HDAC3: variants seen among roughly 807,000 people sequenced by gnomAD.
HDAC3 encodes histone deacetylase 3.
In HDAC3, 21 loss-of-function variants were observed where a neutral mutation model predicts 62.3. The observed-to-expected ratio is 0.34, with a 90% CI of 0.24 to 0.49. The LOEUF (loss-of-function observed/expected upper bound fraction) is 0.49, where lower values mean the gene tolerates loss of function less well. HDAC3 is among the 20% of genes least tolerant of loss of function. The pLI is 0.99. For synonymous variants in HDAC3, 198 were observed against 206.5 expected, an observed-to-expected ratio of 0.96 and a Z score of 0.35; for missense variants, 270 against 556.9, an observed-to-expected ratio of 0.48 and a Z score of 5.19.
intron 2 of HDAC3, 43 bp downstream of exon 2, chr5:141,636,505 C>T: frequency 3.2e-6 from 5 of 1,577,186 alleles, no homozygotes; most frequent in Non-Finnish European, 4.4e-6. Flanking sequence ...ACGGCCACAG[C>T]TCGCCCCACC....
chr5:141,621,200 G>C lies in HDAC3; in HGVS notation c.*268C>G. The C allele has an allele frequency of 2.4e-6, 1 of 425,068 alleles. No individual in the cohort carries two copies. The highest frequency in any genetic ancestry group is 4.2e-6 in the Non-Finnish European group (1 of 235,700). 26.3% of individuals were successfully genotyped at this position (425,068 alleles called of 1,614,324 possible). ...AGAAATAAGGGGCAAGGGGGGCTAG[G>C]GACTGGCCTCCAGGGCCCACTGCCA... is the stretch of plus-strand genomic sequence containing the variant. On this transcript the variant is annotated 3_prime_UTR_variant, in exon 15 of 15. Coordinates refer to ENST00000305264, the MANE Select transcript of HDAC3 (RefSeq NM_003883.4).
Position 141,625,388 on chromosome 5 carries a change from G to A in HDAC3, c.1060-23C>T. Reference sequence around the variant, plus strand: ...ATACTGGTTGGAAATGAGGAATACAGAGTGAGCAGTTTCCAGAGATTCCCA... The same window carrying A: ...ATACTGGTTGGAAATGAGGAATACAAAGTGAGCAGTTTCCAGAGATTCCCA... On this transcript the variant is annotated intron_variant, in intron 13 of 14. Coordinates refer to ENST00000305264, the MANE Select transcript of HDAC3 (RefSeq NM_003883.4). This position sits in a 1 kb window ranked among gnomAD's most constrained non-coding sequence, Gnocchi z 4.0. The A allele has an allele frequency of 3.1e-6, 5 of 1,612,914 alleles. No individual in the cohort carries two copies. The highest frequency in any genetic ancestry group is 4.2e-6 in the Non-Finnish European group (5 of 1,179,408).
chr5:141,627,774 T>C, intron 10 of HDAC3, 119 bp downstream of exon 10: 1 of 832,204 alleles, frequency 1.2e-6, no homozygotes, highest in Non-Finnish European at 2.1e-6. Flanking sequence ...CAAGTACAAT[T>C]TGTAGCTATT....
intron 2 of HDAC3, 116 bp downstream of exon 2, chr5:141,636,432 C>G (rs1378828198): frequency 2.2e-6 from 2 of 892,394 alleles, no homozygotes; most frequent in African/African-American, 3.3e-5. Context: ...GACTTCTATC[C>G]AGCTCCCCGA....
rs749421918 is a variant in HDAC3 at position 141,629,210 on chromosome 5, G to A, written c.573C>T (p.Ser191=). The change falls in exon 7 of 15, where the codon TCC becomes TCT. Residue 191 remains serine, a synonymous_variant. Coordinates refer to ENST00000305264, the MANE Select transcript of HDAC3 (RefSeq NM_003883.4). This position sits in a 1 kb window ranked among gnomAD's most constrained non-coding sequence, Gnocchi z 5.3. ...FYLTDRVMTV[S]FHKYGNYFFP... ...AGAAGTAATTTCCGTATTTGTGGAA[G>A]GACACCGTCATGACCCGGTCAGTGA... is the stretch of plus-strand genomic sequence containing the variant. The A allele has an allele frequency of 1.2e-5, 19 of 1,614,156 alleles. No homozygotes were observed. The highest frequency in any genetic ancestry group is 1.6e-5 in the Non-Finnish European group (19 of 1,180,016).
chr5:141,634,127 C>G (rs966864828), intron 3 of HDAC3, among the ~76,000 whole-genome samples: 2 of 152,176 alleles, frequency 1.3e-5, no homozygotes, highest in African/African-American at 2.4e-5. Context: ...TGATATCAAA[C>G]CACTCCTTCG....
intron 3 of HDAC3, among the ~76,000 whole-genome samples, chr5:141,634,339 C>G (rs2099905666): frequency 6.6e-6 from 1 of 152,168 alleles, no homozygotes; most frequent in Admixed American, 6.5e-5. Context: ...TTCTGTTCCT[C>G]AAATGAGTCA....
Position 141,625,633 on chromosome 5 carries a change from T to C in HDAC3, c.1059+52A>G. On this transcript the variant is annotated intron_variant, in intron 13 of 14. Coordinates refer to ENST00000305264, the MANE Select transcript of HDAC3 (RefSeq NM_003883.4). This position sits in a 1 kb window ranked among gnomAD's most constrained non-coding sequence, Gnocchi z 4.0. ...TACTTCCCACATCTTTGACCTCTCC[T>C]GGGCTCCACCTTTCAGGAGAAGTTT... 2.6e-6 allele frequency: 4 copies of C among 1,555,932 alleles called. No homozygotes were observed. Among genetic ancestry groups the C allele is most frequent in the Non-Finnish European group, 3.5e-6 (4 of 1,126,920 alleles).
In HDAC3 at chr5:141,625,183, T is replaced by C; in HGVS notation, c.1217+25A>G. On this transcript the variant is annotated intron_variant, in intron 14 of 14. Coordinates refer to ENST00000305264, the MANE Select transcript of HDAC3 (RefSeq NM_003883.4). This position sits in a 1 kb window ranked among gnomAD's most constrained non-coding sequence, Gnocchi z 4.0. ...ACCTCCCCAGCAAGCCTATTGAAAG[T>C]AGGCTGAAGTCCCTGCTCCCAGACC... 1 of 1,578,068 alleles carries C rather than the reference T, an allele frequency of 6.3e-7. No individual in the cohort carries two copies. The highest frequency in any genetic ancestry group is 1.4e-5 in the African/African-American group (1 of 73,034).
At position 141,621,550 on chromosome 5, in the gene HDAC3, G is replaced by A. The variant is rs768959815; in HGVS notation, c.1218-13C>T. On this transcript the variant is annotated splice_polypyrimidine_tract_variant and intron_variant, in intron 14 of 14. Transcript: ENST00000305264. The stretch of plus-strand genomic sequence containing the variant: ...GGGTGCCTCTGGCCTGCAAAGCAAG[G>A]GGAGAGAGGTCAGGATCTCACTCTA... 1 of 1,609,888 alleles carries A rather than the reference G, an allele frequency of 6.2e-7. No individual in the cohort carries two copies. Among genetic ancestry groups the A allele is most frequent in the Non-Finnish European group, 8.5e-7 (1 of 1,176,282 alleles).
chr5:141,634,616 C>T (rs1246543332), intron 3 of HDAC3, among the ~76,000 whole-genome samples, 195 bp downstream of exon 3: 1 of 152,208 alleles, frequency 6.6e-6, no homozygotes, highest in African/African-American at 2.4e-5. Context: ...TTGTTCATCA[C>T]TGCATTCCCA....
At chr5:141,631,429 T>C (rs570090382) in intron 3 of HDAC3, among the ~76,000 whole-genome samples, 2 of 152,346 alleles carry the variant, frequency 1.3e-5, no homozygotes, top group Admixed American at 1.3e-4. Context: ...ATAGATTAAA[T>C]CACACTACAC....
At chr5:141,636,386 AC>A in intron 2 of HDAC3, 161 bp downstream of exon 2, 1 of 655,572 alleles carries the variant, frequency 1.5e-6, no homozygotes, top group Non-Finnish European at 2.8e-6. Context: ...AGAGGACGCC[AC>A]CCCCAACACC....
chr5:141,621,488 C>T lies in HDAC3; in HGVS notation c.1267G>A (p.Glu423Lys). The T allele has an allele frequency of 6.2e-7, 1 of 1,614,110 alleles. No individual in the cohort carries two copies. Among genetic ancestry groups the T allele is most frequent in the Non-Finnish European group, 8.5e-7 (1 of 1,179,964 alleles). The change falls in exon 15 of 15, where the codon GAA (glutamate) becomes AAA (lysine). Residue 423 changes from glutamate to lysine, a missense_variant. Glu to Lys is a moderately conservative substitution (Grantham distance 56). Transcript: ENST00000305264. ...FYDGDHDNDK[E>K]SDVEI ...CACTCTTAAATCTCCACATCGCTTT[C>T]CTTGTCATTGTCATGGTCTCCATCA...
chr5:141,625,662 C>T lies in HDAC3; in HGVS notation c.1059+23G>A, dbSNP rs1562365829. On this transcript the variant is annotated intron_variant, in intron 13 of 14. Transcript: ENST00000305264. This position sits in a 1 kb window ranked among gnomAD's most constrained non-coding sequence, Gnocchi z 4.0. ...CTCCACCTTTCAGGAGAAGTTTGTG[C>T]TCAGCTTTTCTGAGCTGCTGACCTG... 1.2e-6 allele frequency: 2 copies of T among 1,610,734 alleles called. No individual in the cohort carries two copies. The highest frequency in any genetic ancestry group is 2.2e-5 in the East Asian group (1 of 44,864).
At position 141,626,121 on chromosome 5, in the gene HDAC3, C is replaced by A; in HGVS notation, c.921-50G>T. On this transcript the variant is annotated intron_variant, in intron 11 of 14. Transcript: ENST00000305264. The surrounding 1 kb of genome is among the most constrained non-coding windows in gnomAD (Gnocchi z 4.6). The stretch of plus-strand genomic sequence containing the variant: ...CAGGCTGACCAAGTGGGCTGAAGGA[C>A]CCATGTGGCCATATCTGAGGGACAC... The A allele has an allele frequency of 6.2e-7, 1 of 1,604,720 alleles. No homozygotes were observed. The highest frequency in any genetic ancestry group is 8.5e-7 in the Non-Finnish European group (1 of 1,171,494).
chr5:141,636,663 T>C (rs775833012), intron 1 of HDAC3, 33 bp from the exon 2 acceptor site: 1 of 1,613,020 alleles, frequency 6.2e-7, no homozygotes, highest in East Asian at 2.2e-5. Context: ...TCGTCAGCTC[T>C]CACCCCTGGA....
chr5:141,627,819 A>G lies in HDAC3; in HGVS notation c.830+74T>C. 3.0e-6 allele frequency: 4 copies of G among 1,321,980 alleles called. No individual in the cohort carries two copies. In the South Asian group the frequency reaches 4.7e-5, roughly 16 times the overall value. The allele number at this position is 1,321,980 out of a possible 1,614,324, so 81.9% of individuals were successfully genotyped here. ...CAAGAAGAGGTGAGGCCCATTCCCC[A>G]ACTACCCCCACCCACGTACTGAAGT... On this transcript the variant is annotated intron_variant, in intron 10 of 14. Coordinates refer to ENST00000305264, the MANE Select transcript of HDAC3 (RefSeq NM_003883.4).
At chr5:141,630,937 T>G (rs2099905118) in intron 3 of HDAC3, among the ~76,000 whole-genome samples, 2 of 151,428 alleles carry the variant, frequency 1.3e-5, no homozygotes, top group African/African-American at 4.9e-5. Context: ...TCCTCCCGCC[T>G]TGGCCTCCCA....
Sources: gnomAD v4.1 joint callset for allele counts (sites outside exome capture counted in the v4.1 genomes callset) on GRCh38, gnomAD v4.1.1 for gene constraint, Gnocchi (gnomAD v3.1) non-coding constraint, MANE v1.5 for transcripts, NCBI Gene and HGNC (gene_info 2026-07-23, HGNC 2026-07-21) for gene names.